PREP: variants seen among roughly 807,000 people sequenced by gnomAD.
PREP encodes the protein prolyl endopeptidase.
A neutral mutation model predicts 87.6 loss-of-function variants in PREP; 29 were observed. The observed-to-expected ratio is 0.33, with a 90% CI of 0.25 to 0.45. The LOEUF (loss-of-function observed/expected upper bound fraction) is 0.45. Among genes scored for constraint, PREP ranks in the 20% least tolerant of loss-of-function variants. The pLI, the probability that PREP is intolerant of heterozygous loss-of-function variation, is 1.00. For synonymous variants in PREP, 337 were observed against 328.6 expected (o/e 1.03, Z -0.28); for missense variants, 695 against 886.5 (o/e 0.78, Z 2.74).
At chr6:105,294,554 T>C (rs1243863397) in intron 10 of PREP, among the ~76,000 whole-genome samples, 1 of 152,118 alleles carries the variant, frequency 6.6e-6, no homozygotes, top group African/African-American at 2.4e-5. Context: ...AGCCGCTGGT[T>C]CCCTCCAATG....
At chr6:105,378,045 CAA>C (rs1306147076) in intron 2 of PREP, among the ~76,000 whole-genome samples, 1 of 152,198 alleles carries the variant, frequency 6.6e-6, no homozygotes, top group Non-Finnish European at 1.5e-5. Context: ...AAGTCAGAGT[CAA>C]AGAGAGAAAG....
At chr6:105,318,080 A>G (rs114012594) in intron 10 of PREP, among the ~76,000 whole-genome samples, 128 of 152,310 alleles carry the variant, frequency 8.4e-4, no homozygotes, top group African/African-American at 2.9e-3. Flanking sequence ...AGCTCTTGCC[A>G]AAGGCCTTTT....
intron 10 of PREP, among the ~76,000 whole-genome samples, chr6:105,321,727 G>T (rs1163043690): frequency 6.6e-6 from 1 of 152,136 alleles, no homozygotes; most frequent in Non-Finnish European, 1.5e-5. Context: ...TATTATAGGG[G>T]TCCTTCCCTT....
Position 105,273,553 on chromosome 6 carries a change from A to G in PREP, c.*4591T>C, listed in dbSNP as rs1769869540. On this transcript the variant is annotated 3_prime_UTR_variant, in exon 15 of 15. Transcript: ENST00000652536. Reference sequence around the variant, plus strand: ...GCTTCTTTCACTTATAATGTTTTTGAGATTCATCCATGATATGGCATGTCA... The same window carrying G: ...GCTTCTTTCACTTATAATGTTTTTGGGATTCATCCATGATATGGCATGTCA... 6.6e-6 allele frequency: 1 copy of G among 152,116 alleles called. No homozygotes were observed. The highest frequency in any genetic ancestry group is 6.5e-5 in the Admixed American group (1 of 15,268). 9.4% of individuals were successfully genotyped at this position (152,116 alleles called of 1,614,324 possible).
intron 10 of PREP, among the ~76,000 whole-genome samples, chr6:105,314,633 T>G (rs1770823890): frequency 6.6e-6 from 1 of 152,192 alleles, no homozygotes; most frequent in Admixed American, 6.5e-5. Flanking sequence ...AGACTCTACT[T>G]CTAATTCTAG....
Position 105,277,891 on chromosome 6 carries a change from C to T in PREP, c.*253G>A. On this transcript the variant is annotated 3_prime_UTR_variant, in exon 15 of 15. Transcript: ENST00000652536. ...GTTTGTTGCCATTTAGCTATTTATC[C>T]CAACATGCCCTTAAAAAAAACACCA... 2 of 519,016 alleles carry T rather than the reference C, an allele frequency of 3.9e-6. No homozygotes were observed. Among genetic ancestry groups the T allele is most frequent in the Non-Finnish European group, 6.8e-6 (2 of 294,836 alleles). The allele number at this position is 519,016 out of a possible 1,614,324, so 32.2% of individuals were successfully genotyped here.
In PREP at chr6:105,324,534, TG is replaced by T. The variant is rs1415229670; in HGVS notation, c.1214-767del. ...ATGTTTGAAAACAATGACACTGCTG[TG>T]GTTTATAAAACAGAATTAGTCATCC... On this transcript the variant is annotated intron_variant, in intron 9 of 14. Coordinates refer to ENST00000652536, the MANE Select transcript of PREP (RefSeq NM_002726.5). Among the ~76,000 whole-genome samples the T allele has an allele frequency of 4.6e-5, 7 of 152,354 alleles. No individual in the cohort carries two copies. In the East Asian group the frequency reaches 9.6e-4, roughly 21 times the overall value.
At chr6:105,367,670 T>A (rs1277203117) in intron 6 of PREP, among the ~76,000 whole-genome samples, 2 of 105,692 alleles carry the variant, frequency 1.9e-5, no homozygotes, top group African/African-American at 1.1e-4. Context: ...AGACTCCGTC[T>A]CAAAAAAAAA....
chr6:105,368,061 C>A (rs1016406878), intron 6 of PREP, among the ~76,000 whole-genome samples: 6 of 152,206 alleles, frequency 3.9e-5, no homozygotes, highest in African/African-American at 2.4e-5. Context: ...TGTCCCCCAA[C>A]GAAGCAGACA....
chr6:105,319,009 T>C (rs1770941262), intron 10 of PREP, among the ~76,000 whole-genome samples: 1 of 152,132 alleles, frequency 6.6e-6, no homozygotes, highest in Non-Finnish European at 1.5e-5. Context: ...AAATCAGCTA[T>C]CACTAAGATT....
At chr6:105,399,071 G>A (rs1583111639) in intron 1 of PREP, among the ~76,000 whole-genome samples, 1 of 151,746 alleles carries the variant, frequency 6.6e-6, no homozygotes, top group East Asian at 1.9e-4. Flanking sequence ...AACGCCTATT[G>A]CACTCCAGCC....
intron 10 of PREP, among the ~76,000 whole-genome samples, chr6:105,311,337 C>A (rs151148010): frequency 6.6e-6 from 1 of 152,316 alleles, no homozygotes; most frequent in East Asian, 1.9e-4. Context: ...CTTCCCCCTG[C>A]CCTTCATCCA....
chr6:105,363,376 A>C (rs1171726659), intron 6 of PREP, among the ~76,000 whole-genome samples: 2 of 152,190 alleles, frequency 1.3e-5, no homozygotes, highest in Non-Finnish European at 2.9e-5. Context: ...ATTCACTTTA[A>C]AACAGAGCTT....
At chr6:105,301,283 T>C (rs564485916) in intron 10 of PREP, among the ~76,000 whole-genome samples, 5 of 152,314 alleles carry the variant, frequency 3.3e-5, no homozygotes, top group African/African-American at 1.2e-4. Flanking sequence ...TTATCAGAGT[T>C]GACAGAGGCC....
chr6:105,286,484 T>C (rs1562187002), intron 11 of PREP, among the ~76,000 whole-genome samples: 2 of 152,150 alleles, frequency 1.3e-5, no homozygotes, highest in Non-Finnish European at 2.9e-5. Flanking sequence ...ATTAAGTCCT[T>C]TGGAAAATTT....
chr6:105,396,126 C>A (rs1436472513), intron 2 of PREP, among the ~76,000 whole-genome samples: 1 of 152,224 alleles, frequency 6.6e-6, no homozygotes, highest in Admixed American at 6.5e-5. Flanking sequence ...CCATCCACTA[C>A]TATAACCCAG....
intron 2 of PREP, among the ~76,000 whole-genome samples, chr6:105,391,389 CAAAT>C (rs950415213): frequency 2.4e-4 from 37 of 152,122 alleles, no homozygotes; most frequent in Admixed American, 1.5e-3. Flanking sequence ...CAAAAATAAA[CAAAT>C]AAATAAAATA....
intron 7 of PREP, among the ~76,000 whole-genome samples, chr6:105,338,649 C>T (rs1434897953): frequency 2.6e-5 from 4 of 152,188 alleles, no homozygotes; most frequent in African/African-American, 9.7e-5. Context: ...CAAGGGAAGC[C>T]GTGACAGACG....
In PREP at chr6:105,276,779, T is replaced by C. The variant is rs929466515; in HGVS notation, c.*1365A>G. 9.2e-5 allele frequency among the ~76,000 whole-genome samples: 14 copies of C among 152,206 alleles called. No individual in the cohort carries two copies. The highest frequency in any genetic ancestry group is 3.1e-4 in the African/African-American group (13 of 41,460). ...ATATGCTTGGTATGCAGTGATATGC[T>C]TGATAGAAAATGGTATGTCTAATTT... On this transcript the variant is annotated 3_prime_UTR_variant, in exon 15 of 15. Coordinates refer to ENST00000652536, the MANE Select transcript of PREP (RefSeq NM_002726.5).
Sources: gnomAD v4.1 joint callset for allele counts (sites outside exome capture counted in the v4.1 genomes callset) on GRCh38, gnomAD v4.1.1 for gene constraint, MANE v1.5 for transcripts, NCBI Gene and HGNC (gene_info 2026-07-23, HGNC 2026-07-21) for gene names.